TNNT2: variants seen among roughly 807,000 people sequenced by gnomAD.
TNNT2 encodes troponin T, cardiac muscle.
TNNT2 carries 34 observed loss-of-function variants against 62.4 expected under a neutral mutation model. That is an observed-to-expected ratio of 0.54 (90% CI 0.41 to 0.72). The LOEUF (loss-of-function observed/expected upper bound fraction) is 0.72. Among genes scored for constraint, TNNT2 ranks in the 30% least tolerant of loss-of-function variants. The pLI, the probability that TNNT2 is intolerant of heterozygous loss-of-function variation, is 0.00. For synonymous variants in TNNT2, 123 were observed against 127.2 expected (o/e 0.97, Z 0.22); for missense variants, 275 against 381.9 (o/e 0.72, Z 2.33).
intron 9 of TNNT2, 70 bp from the exon 10 acceptor site, chr1:201,365,377 A>G: frequency 1.5e-6 from 2 of 1,361,338 alleles, no homozygotes; most frequent in Non-Finnish European, 2.1e-6. Context: ...GGTGGGCTAG[A>G]CACCCCCCAA....
chr1:201,376,661 T>TTC lies in TNNT2; in HGVS notation c.-15+961_-15+962insGA, dbSNP rs1447728606. Among the ~76,000 whole-genome samples, 22 of 152,274 alleles carry TTC rather than the reference T, an allele frequency of 1.4e-4. No individual in the cohort carries two copies. In the East Asian group the frequency reaches 4.1e-3, roughly 28 times the overall value. ...TTGGGAGGGCAGGTAGCTTCCCGGCTACAGCAGGCCAGGAATGTGCTCTGA... is the reference window on the plus strand; with the variant it reads ...TTGGGAGGGCAGGTAGCTTCCCGGCTTCACAGCAGGCCAGGAATGTGCTCTGA... On this transcript the variant is annotated intron_variant, in intron 1 of 16. Transcript: ENST00000656932.
At chr1:201,361,771 C>G in intron 14 of TNNT2, 142 bp downstream of exon 14, 1 of 821,846 alleles carries the variant, frequency 1.2e-6, no homozygotes, top group Non-Finnish European at 2.1e-6. Flanking sequence ...TGGGGCCCAG[C>G]TCTGGTCCCA....
chr1:201,367,068 C>G, intron 7 of TNNT2, 197 bp from the exon 8 acceptor site: 2 of 794,196 alleles, frequency 2.5e-6, no homozygotes, highest in Non-Finnish European at 4.2e-6. Flanking sequence ...CACACTCCCC[C>G]TCCCATAGAG....
At chr1:201,368,381 C>G (rs1660068156) in intron 5 of TNNT2, 154 bp from the exon 6 acceptor site, 1 of 780,648 alleles carries the variant, frequency 1.3e-6, no homozygotes, top group African/African-American at 1.7e-5. Flanking sequence ...TGGGGGGCTG[C>G]CATTCTTGGT....
At chr1:201,368,028 G>T in intron 6 of TNNT2, 134 bp downstream of exon 6, 2 of 1,053,720 alleles carry the variant, frequency 1.9e-6, no homozygotes, top group South Asian at 1.3e-5. Context: ...GCAATCAATG[G>T]TTGAATCTTA....
Position 201,364,303 on chromosome 1 carries a change from G to A in TNNT2, c.484C>T (p.Leu162=). The change falls in exon 11 of 17, where the codon CTG becomes TTG. Residue 162 remains leucine (L), a synonymous_variant. Coordinates refer to ENST00000656932, the MANE Select transcript of TNNT2 (RefSeq NM_001276345.2). ...CTGGGCTAGGGGTCACTCACAGCCA[G>A]GCGGTTCTGCCGCTCCTTCTCCCGC... is the stretch of plus-strand genomic sequence containing the variant. ...NEREKERQNR[L]AEERARREEE... 6.2e-7 allele frequency: 1 copy of A among 1,612,534 alleles called. No individual in the cohort carries two copies. Among genetic ancestry groups the A allele is most frequent in the Non-Finnish European group, 8.5e-7 (1 of 1,179,920 alleles).
At chr1:201,367,628 T>G in intron 7 of TNNT2, 143 bp downstream of exon 7, 1 of 937,322 alleles carries the variant, frequency 1.1e-6, no homozygotes, top group South Asian at 1.3e-5. Flanking sequence ...ACTTTGGAAG[T>G]GCCACCAAGT....
At chr1:201,365,146 G>T in intron 10 of TNNT2, 45 bp downstream of exon 10, 1 of 1,511,676 alleles carries the variant, frequency 6.6e-7, no homozygotes, top group South Asian at 1.1e-5. Context: ...ATGGAGGACA[G>T]ACTGGGCCAT....
Position 201,359,315 on chromosome 1 carries a change from C to T in TNNT2, c.852-60G>A, listed in dbSNP as rs373118098. ...ACAGGCAGGGTAGTAGGTCACCATG[C>T]GGCTGGGGTAGGACTGGGGTGCCAA... On this transcript the variant is annotated intron_variant, in intron 16 of 16. Transcript: ENST00000656932. The T allele has an allele frequency of 8.0e-5, 126 of 1,580,920 alleles. No individual in the cohort carries two copies. In the African/African-American group the frequency reaches 9.4e-4, roughly 12 times the overall value.
rs1658795417 is a variant in TNNT2, at chr1:201,362,203, CA to C, written c.609+182del. The C allele has an allele frequency of 2.4e-6, 3 of 1,226,482 alleles. No individual in the cohort carries two copies. In the Admixed American group the frequency reaches 5.9e-5, roughly 24 times the overall value. The allele number at this position is 1,226,482 out of a possible 1,614,324, so 76.0% of individuals were successfully genotyped here. A position where few individuals can be genotyped will look rare whatever the true frequency, so the allele number is the denominator to read the frequency against. ...TTCCCTAGGGAAACTGAGGTAGGGG[CA>C]AGAAGGATCACGTCAGTCTCTTCCT... is the stretch of plus-strand genomic sequence containing the variant. On this transcript the variant is annotated intron_variant, in intron 13 of 16. Transcript: ENST00000656932.
intron 15 of TNNT2, among the ~76,000 whole-genome samples, chr1:201,360,139 C>T (rs1284730657): frequency 6.6e-6 from 1 of 152,154 alleles, no homozygotes; most frequent in African/African-American, 2.4e-5. Flanking sequence ...TTGGCCGGTG[C>T]AGAGTTCAGT....
intron 8 of TNNT2, 85 bp downstream of exon 8, chr1:201,366,753 C>G: frequency 6.2e-7 from 1 of 1,612,378 alleles, no homozygotes; most frequent in South Asian, 1.1e-5. Context: ...CCCGTGTCCA[C>G]TGCACCATAC....
chr1:201,361,392 G>A (rs1354934844), intron 14 of TNNT2, 23 bp from the exon 15 acceptor site: 1 of 1,608,242 alleles, frequency 6.2e-7, no homozygotes, highest in Non-Finnish European at 8.5e-7. Context: ...GGGTGAGAAT[G>A]GGGAGGTCCA....
At chr1:201,375,676 A>C (rs1197347436) in intron 1 of TNNT2, among the ~76,000 whole-genome samples, 1 of 152,148 alleles carries the variant, frequency 6.6e-6, no homozygotes, top group Non-Finnish European at 1.5e-5. Context: ...GGCCAGAACT[A>C]GTGACTTGAG....
At chr1:201,366,931 C>T (rs779281572) in intron 7 of TNNT2, 60 bp from the exon 8 acceptor site, 139 of 1,613,626 alleles carry the variant, frequency 8.6e-5, no homozygotes, top group South Asian at 1.9e-4. Context: ...GTCCCAACTC[C>T]GCCCTCGATG....
In TNNT2 at chr1:201,359,207, G is replaced by T. The variant is rs529731863; in HGVS notation, c.*3C>A. ...GCAGATCTTTGGTGAAGGAGGCCAG[G>T]CTCTATTTCCAGCGCCCGGTGACTT... is the stretch of plus-strand genomic sequence containing the variant. On this transcript the variant is annotated 3_prime_UTR_variant, in exon 17 of 17. Coordinates refer to ENST00000656932, the MANE Select transcript of TNNT2 (RefSeq NM_001276345.2). The T allele has an allele frequency of 2.0e-5, 32 of 1,609,286 alleles. 2 individuals carry two copies. In the South Asian group the frequency reaches 3.2e-4, roughly 16 times the overall value.
In TNNT2 at chr1:201,365,562, TG is replaced by T. The variant is rs758546790; in HGVS notation, c.294+47del. The T allele has an allele frequency of 1.9e-6, 3 of 1,596,388 alleles. No individual in the cohort carries two copies. In the Admixed American group the frequency reaches 5.0e-5, roughly 27 times the overall value. ...CAAAATCTCTGTCACTGAGGGCCCT[TG>T]GGACTATCCCCAGCCCAGGCCTACT... is the stretch of plus-strand genomic sequence containing the variant. On this transcript the variant is annotated intron_variant, in intron 9 of 16. Transcript: ENST00000656932.
At chr1:201,367,629 G>T in intron 7 of TNNT2, 142 bp downstream of exon 7, 1 of 951,058 alleles carries the variant, frequency 1.1e-6, no homozygotes, top group South Asian at 1.3e-5. Flanking sequence ...CTTTGGAAGT[G>T]CCACCAAGTT....
chr1:201,372,674 G>A (rs1489391867), intron 2 of TNNT2, among the ~76,000 whole-genome samples: 1 of 152,162 alleles, frequency 6.6e-6, no homozygotes, highest in Non-Finnish European at 1.5e-5. Context: ...GTTCTGTGAG[G>A]GCAGTAGCCG....
Sources: allele counts gnomAD v4.1 joint callset (sites outside exome capture counted in the v4.1 genomes callset), GRCh38; gene constraint gnomAD v4.1.1; transcripts MANE v1.5; gene names NCBI Gene and HGNC (gene_info 2026-07-23, HGNC 2026-07-21).